The following NFASC variants were observed in gnomAD, a reference collection of about 807,000 sequenced individuals.
The protein encoded by NFASC is neurofascin, also known as neurofascin homolog.
NFASC carries 43 observed loss-of-function variants against 147.5 expected under a neutral mutation model. That is an observed-to-expected ratio of 0.29 (90% confidence interval 0.23 to 0.38). NFASC has a LOEUF of 0.38. NFASC is among the 10% of genes least tolerant of loss of function. The pLI, the probability that NFASC is intolerant of heterozygous loss-of-function variation, is 1.00. For missense variants in NFASC, 1,320 were observed against 1,689.0 expected (o/e 0.78, Z 3.83); for synonymous variants, 622 against 665.5 (o/e 0.93, Z 1.01).
At chr1:204,994,295 A>G (rs772604007) in intron 24 of NFASC, among the ~76,000 whole-genome samples, 1 of 152,226 alleles carries the variant, frequency 6.6e-6, no homozygotes, top group Non-Finnish European at 1.5e-5. Context: ...AGTGGCCATC[A>G]GGGGAGGGGA....
rs553563511 is a variant in NFASC at position 204,973,257 on chromosome 1, G to C, written c.1136-19G>C. On this transcript the variant is annotated intron_variant, in intron 11 of 29. Coordinates refer to ENST00000339876, the MANE Select transcript of NFASC (RefSeq NM_001005388.3). ...GCCCTCCCCATCTCTCATGAGGAGC[G>C]TCTCTTTCTTGTCTGTAGCGGCACC... The C allele has an allele frequency of 5.0e-6, 8 of 1,613,634 alleles. No individual in the cohort carries two copies. The highest frequency in any genetic ancestry group is 4.0e-5 in the African/African-American group (3 of 75,046).
intron 3 of NFASC, among the ~76,000 whole-genome samples, chr1:204,947,657 G>A (rs903290086): frequency 1.4e-5 from 2 of 140,972 alleles, no homozygotes; most frequent in Admixed American, 1.4e-4. Context: ...GCCCCAAGGA[G>A]AACAGTATGA....
At chr1:204,984,168 C>T in intron 21 of NFASC, 1 of 1,513,278 alleles carries the variant, frequency 6.6e-7, no homozygotes, top group Non-Finnish European at 9.2e-7. Context: ...CCGGACTCAC[C>T]TAACTACCCA....
intron 1 of NFASC, among the ~76,000 whole-genome samples, chr1:204,855,196 A>G (rs1311757868): frequency 1.3e-5 from 2 of 151,974 alleles, no homozygotes; most frequent in African/African-American, 4.8e-5. Context: ...GCATATGTAT[A>G]ATGAGACTTA....
intron 1 of NFASC, among the ~76,000 whole-genome samples, chr1:204,855,764 CAGG>C (rs971643624): frequency 2.0e-5 from 3 of 152,140 alleles, no homozygotes; most frequent in Admixed American, 1.3e-4. Context: ...CTCCTAGAAG[CAGG>C]AGTTTTAGAC....
chr1:204,851,554 A>C (rs1368018409), intron 1 of NFASC, among the ~76,000 whole-genome samples: 3 of 151,924 alleles, frequency 2.0e-5, no homozygotes, highest in African/African-American at 7.3e-5. Context: ...GCTGTTCTCA[A>C]ACTCCTGACC....
At chr1:205,007,400 AGAG>A (rs1281159545) in intron 27 of NFASC, among the ~76,000 whole-genome samples, 1 of 143,064 alleles carries the variant, frequency 7.0e-6, no homozygotes, top group African/African-American at 2.6e-5. Context: ...TGTCTCAGAA[AGAG>A]AAGAGAAGAG....
In NFASC at chr1:204,975,010, CCTT is replaced by C. The variant is rs3214788; in HGVS notation, c.1558+190_1558+192del. Among the ~76,000 whole-genome samples, 22 of 152,320 alleles carry C rather than the reference CCTT, an allele frequency of 1.4e-4. No homozygotes were observed. In the East Asian group the frequency reaches 4.2e-3, roughly 29 times the overall value. On this transcript the variant is annotated intron_variant, in intron 14 of 29. Coordinates refer to ENST00000339876, the MANE Select transcript of NFASC (RefSeq NM_001005388.3). The surrounding 1 kb of genome is among the most constrained non-coding windows in gnomAD (Gnocchi z 4.0). ...GTCCAAAGAGAATTAGGAAGGGAAA[CCTT>C]CTGCTCACACCAACTCCCCACTACC...
chr1:204,877,534 G>A (rs2079273831), intron 1 of NFASC, among the ~76,000 whole-genome samples: 1 of 152,096 alleles, frequency 6.6e-6, no homozygotes, highest in Non-Finnish European at 1.5e-5. Context: ...TTACTGAGGT[G>A]GGAGGTATAA....
intron 2 of NFASC, among the ~76,000 whole-genome samples, chr1:204,930,433 G>A (rs182262739): frequency 4.6e-5 from 7 of 152,140 alleles, no homozygotes; most frequent in Admixed American, 1.3e-4. Context: ...AGGATTTATT[G>A]TACTGATTCA....
intron 1 of NFASC, among the ~76,000 whole-genome samples, chr1:204,834,790 C>T (rs1006448888): frequency 1.4e-4 from 22 of 152,254 alleles, no homozygotes; most frequent in Admixed American, 7.8e-4. Context: ...AAGGATTTCC[C>T]GGTCAGTCCT....
intron 24 of NFASC, among the ~76,000 whole-genome samples, chr1:204,996,750 C>T (rs534341755): frequency 2.6e-5 from 4 of 152,118 alleles, no homozygotes; most frequent in Non-Finnish European, 5.9e-5. Context: ...CGCCTGCCCA[C>T]CTCTAGGCTG....
At chr1:205,001,817 T>C (rs577575545) in intron 26 of NFASC, among the ~76,000 whole-genome samples, 63 of 152,276 alleles carry the variant, frequency 4.1e-4, no homozygotes, top group African/African-American at 1.5e-3. Context: ...TACAGATTCG[T>C]TGGACTGCAG....
Position 204,954,294 on chromosome 1 carries a change from C to T in NFASC, c.322C>T (p.Arg108Trp), listed in dbSNP as rs751198725. The T allele has an allele frequency of 5.0e-6, 8 of 1,613,942 alleles. No homozygotes were observed. The highest frequency in any genetic ancestry group is 4.4e-5 in the South Asian group (4 of 91,088). ...GGTGATTGACTTCCGCAGTGGCGGG[C>T]GGCCGGAGGAATATGAGGGGGAATA... ...TLVIDFRSGG[R>W]PEEYEGEYQC... The change falls in exon 6 of 30, where the codon CGG becomes TGG. Residue 108 changes from arginine to tryptophan, a missense_variant. Arg to Trp is a moderately radical substitution (Grantham distance 101, BLOSUM62 -3). Around this residue, in one of 3 missense-constraint regions of NFASC, gnomAD observed 981 missense variants for 1,289.5 expected, o/e 0.76. Coordinates refer to ENST00000339876, the MANE Select transcript of NFASC (RefSeq NM_001005388.3). This position sits in a 1 kb window ranked among gnomAD's most constrained non-coding sequence, Gnocchi z 5.7.
At chr1:204,933,638 C>T (rs2092564752) in intron 2 of NFASC, among the ~76,000 whole-genome samples, 1 of 151,960 alleles carries the variant, frequency 6.6e-6, no homozygotes, top group African/African-American at 2.4e-5. Flanking sequence ...TTTTTAATAC[C>T]TCCAGGAGGT....
Position 204,987,519 on chromosome 1 carries a change from T to C in NFASC, c.2572T>C (p.Tyr858His), listed in dbSNP as rs753393327. The C allele has an allele frequency of 1.9e-6, 3 of 1,614,144 alleles. No homozygotes were observed. The highest frequency in any genetic ancestry group is 2.5e-6 in the Non-Finnish European group (3 of 1,180,004). Reference protein sequence around the residue: ...PEHPNGIMIGYTLKYVAFNGT... With the variant: ...PEHPNGIMIGHTLKYVAFNGT... ...GCATCCAAATGGGATCATGATTGGA[T>C]ACACTCTCAAATATGTGGCCTGTAC... Residue 858 changes from tyrosine (Y) to histidine (H), a missense_variant, in exon 22 of 30, where the codon TAC becomes CAC. Around this residue, in one of 3 missense-constraint regions of NFASC, gnomAD observed 981 missense variants for 1,289.5 expected, o/e 0.76. Transcript: ENST00000339876. This position sits in a 1 kb window ranked among gnomAD's most constrained non-coding sequence, Gnocchi z 4.4.
chr1:204,916,025 G>A (rs1206051713), intron 1 of NFASC, among the ~76,000 whole-genome samples: 2 of 152,206 alleles, frequency 1.3e-5, no homozygotes, highest in Non-Finnish European at 2.9e-5. Flanking sequence ...TTGTTGCTGG[G>A]GAGTGTCTTC....
chr1:204,837,542 G>A (rs1674120017), intron 1 of NFASC, among the ~76,000 whole-genome samples: 3 of 152,178 alleles, frequency 2.0e-5, no homozygotes, highest in Non-Finnish European at 4.4e-5. Context: ...ACAAGATTGT[G>A]GTGTTAGAAG....
chr1:204,842,854 G>C (rs1675765113), intron 1 of NFASC, among the ~76,000 whole-genome samples: 1 of 152,216 alleles, frequency 6.6e-6, no homozygotes, highest in Non-Finnish European at 1.5e-5. Context: ...CCTCAGCAGT[G>C]GGGCCATCAG....
Sources: allele counts gnomAD v4.1 joint callset (sites outside exome capture counted in the v4.1 genomes callset), GRCh38; gene constraint gnomAD v4.1.1; regional missense constraint gnomAD v4.1.1; non-coding constraint Gnocchi (gnomAD v3.1); transcripts MANE v1.5; gene names NCBI Gene and HGNC (gene_info 2026-07-23, HGNC 2026-07-21).